The following SLX4IP variants were observed in gnomAD, a reference collection of about 807,000 sequenced individuals.
SLX4IP encodes the protein protein SLX4IP.
Under a neutral mutation model 32.9 loss-of-function variants are expected in SLX4IP, and 34 were observed. The observed-to-expected ratio is 1.03, with a 90% CI of 0.79 to 1.38. The LOEUF (loss-of-function observed/expected upper bound fraction) is 1.38. Among genes scored for constraint, SLX4IP ranks in the 40% most tolerant of loss-of-function variants. The probability of loss-of-function intolerance (pLI) is 0.00; values close to 1 mark genes in which losing one functional copy is unlikely to be tolerated. For missense variants in SLX4IP, 444 were observed against 479.0 expected, an observed-to-expected ratio of 0.93 and a Z score of 0.68; for synonymous variants, 172 against 171.7, an observed-to-expected ratio of 1.00 and a Z score of -0.01.
intron 2 of SLX4IP, among the ~76,000 whole-genome samples, chr20:10,545,397 A>G (rs1568733238): frequency 6.6e-6 from 1 of 152,196 alleles, no homozygotes; most frequent in Non-Finnish European, 1.5e-5. Flanking sequence ...ACTTAGCCCT[A>G]TCTTTGGCCT....
intron 4 of SLX4IP, among the ~76,000 whole-genome samples, chr20:10,586,175 T>G (rs890494735): frequency 2.6e-5 from 4 of 152,214 alleles, no homozygotes; most frequent in Non-Finnish European, 5.9e-5. Context: ...GATCCTTGCC[T>G]TCTCCCACTT....
In SLX4IP at chr20:10,626,335, T is replaced by C. The variant is rs1311649635; in HGVS notation, c.*2956T>C. 6.6e-6 allele frequency: 1 copy of C among 151,496 alleles called. No homozygotes were observed. The highest frequency in any genetic ancestry group is 1.5e-5 in the Non-Finnish European group (1 of 67,926). 9.4% of individuals were successfully genotyped at this position (151,496 alleles called of 1,614,324 possible). The stretch of plus-strand genomic sequence containing the variant: ...GGTGAGAGCCACCGCACCCGGCCTG[T>C]TTTGACATTCTTAATGATCTTAATA... On this transcript the variant is annotated 3_prime_UTR_variant, in exon 8 of 8. Coordinates refer to ENST00000334534, the MANE Select transcript of SLX4IP (RefSeq NM_001009608.3).
chr20:10,458,848 A>G (rs2065311215), intron 2 of SLX4IP, among the ~76,000 whole-genome samples: 1 of 152,158 alleles, frequency 6.6e-6, no homozygotes, highest in Non-Finnish European at 1.5e-5. Flanking sequence ...TTTATAATAG[A>G]ATGATTTATA....
intron 2 of SLX4IP, among the ~76,000 whole-genome samples, chr20:10,536,013 G>A (rs1044224819): frequency 2.6e-5 from 4 of 151,992 alleles, no homozygotes; most frequent in Non-Finnish European, 5.9e-5. Context: ...GCAGAAATGA[G>A]CGCCGGAGAC....
intron 2 of SLX4IP, among the ~76,000 whole-genome samples, chr20:10,526,188 A>G (rs974865503): frequency 6.6e-6 from 1 of 152,156 alleles, no homozygotes; most frequent in Admixed American, 6.5e-5. Context: ...CTTCCCCAAT[A>G]TTCTACTTGG....
At chr20:10,476,075 C>A (rs1438506549) in intron 2 of SLX4IP, among the ~76,000 whole-genome samples, 1 of 152,164 alleles carries the variant, frequency 6.6e-6, no homozygotes, top group East Asian at 1.9e-4. Context: ...GCTTTACTTA[C>A]AACTTGGCAA....
intron 2 of SLX4IP, among the ~76,000 whole-genome samples, chr20:10,532,346 T>C (rs955270436): frequency 1.3e-5 from 2 of 152,018 alleles, no homozygotes; most frequent in Non-Finnish European, 2.9e-5. Context: ...CCCATAAATA[T>C]ACACAATTAT....
chr20:10,437,702 G>T (rs1242259287), intron 1 of SLX4IP, among the ~76,000 whole-genome samples: 2 of 152,172 alleles, frequency 1.3e-5, no homozygotes, highest in Non-Finnish European at 2.9e-5. Context: ...TTTTTATTTA[G>T]TTTCATGTGG....
chr20:10,484,146 TTCTC>T (rs1341267425), intron 2 of SLX4IP, among the ~76,000 whole-genome samples: 1 of 152,196 alleles, frequency 6.6e-6, no homozygotes, highest in Non-Finnish European at 1.5e-5. Flanking sequence ...TTATGTGCTT[TTCTC>T]TCGTTAATTT....
chr20:10,553,414 T>C (rs191443768), intron 2 of SLX4IP, among the ~76,000 whole-genome samples: 2 of 152,362 alleles, frequency 1.3e-5, no homozygotes, highest in East Asian at 3.9e-4. Context: ...TAATCCTATG[T>C]GTTGTGTTTC....
At position 10,544,626 on chromosome 20, in the gene SLX4IP, A is replaced by G. The variant is rs570924804; in HGVS notation, c.28-11605A>G. 3.3e-5 allele frequency among the ~76,000 whole-genome samples: 5 copies of G among 152,252 alleles called. No homozygotes were observed. In the South Asian group the frequency reaches 6.2e-4, roughly 19 times the overall value. On this transcript the variant is annotated intron_variant, in intron 2 of 7. Coordinates refer to ENST00000334534, the MANE Select transcript of SLX4IP (RefSeq NM_001009608.3). ...AGACTCGAACTCCTGGACTCAAGCAATCTGTCCGCCTTGGCCTTCCAAGGT... is the reference window on the plus strand; with the variant it reads ...AGACTCGAACTCCTGGACTCAAGCAGTCTGTCCGCCTTGGCCTTCCAAGGT...
chr20:10,600,527 C>A (rs2066829141), intron 5 of SLX4IP, among the ~76,000 whole-genome samples: 1 of 152,186 alleles, frequency 6.6e-6, no homozygotes, highest in African/African-American at 2.4e-5. Flanking sequence ...AGAGCTGTTA[C>A]TGGAACAACA....
At chr20:10,443,846 G>A (rs1200023557) in intron 1 of SLX4IP, among the ~76,000 whole-genome samples, 1 of 152,110 alleles carries the variant, frequency 6.6e-6, no homozygotes, top group Non-Finnish European at 1.5e-5. Flanking sequence ...AAAGTGTATA[G>A]TACCTCTCTC....
chr20:10,584,086 G>T (rs917452410), intron 4 of SLX4IP, among the ~76,000 whole-genome samples: 3 of 152,066 alleles, frequency 2.0e-5, no homozygotes, highest in African/African-American at 7.2e-5. Context: ...TTAAGGACTT[G>T]TATAATAGAA....
intron 2 of SLX4IP, among the ~76,000 whole-genome samples, chr20:10,508,431 G>A (rs1158638684): frequency 6.6e-6 from 1 of 152,182 alleles, no homozygotes; most frequent in Non-Finnish European, 1.5e-5. Context: ...GATAACTGAG[G>A]CTTATTCCTT....
chr20:10,442,972 G>A (rs1292441145), intron 1 of SLX4IP, among the ~76,000 whole-genome samples: 1 of 152,168 alleles, frequency 6.6e-6, no homozygotes, highest in Non-Finnish European at 1.5e-5. Context: ...CATCATCTTT[G>A]TGGTATAAAC....
rs566992999 is a variant in SLX4IP at position 10,577,689 on chromosome 20, C to A, written c.238+16869C>A. On this transcript the variant is annotated intron_variant, in intron 4 of 7. Coordinates refer to ENST00000334534, the MANE Select transcript of SLX4IP (RefSeq NM_001009608.3). ...TGATCTATGATCATACCACTGTACT[C>A]CAGCTGAGGCAACAGAGAAAGACCC... 3.2e-4 allele frequency among the ~76,000 whole-genome samples: 49 copies of A among 152,302 alleles called. No homozygotes were observed. The South Asian group carries it at 6.6e-3, about 21-fold the overall frequency.
At position 10,445,429 on chromosome 20, in the gene SLX4IP, C is replaced by CCTCA. The variant is rs1419583642; in HGVS notation, c.-30+9977_-30+9980dup. Reference sequence around the variant, plus strand: ...CTCCTAGGTTCAAGCAATTCTCCTGCCTCAGCCTCCCTAGTAGCTGGGATT... The same window carrying CCTCA: ...CTCCTAGGTTCAAGCAATTCTCCTGCCTCACTCAGCCTCCCTAGTAGCTGGGATT... On this transcript the variant is annotated intron_variant, in intron 1 of 7. Transcript: ENST00000334534. 2.7e-5 allele frequency among the ~76,000 whole-genome samples: 4 copies of CCTCA among 150,464 alleles called. No individual in the cohort carries two copies. In the East Asian group the frequency reaches 7.8e-4, roughly 29 times the overall value.
At chr20:10,477,390 C>A (rs924854106) in intron 2 of SLX4IP, among the ~76,000 whole-genome samples, 6 of 152,136 alleles carry the variant, frequency 3.9e-5, no homozygotes, top group African/African-American at 1.4e-4. Context: ...ATGATCTGCT[C>A]ACGTTGGCCT....
Sources: gnomAD v4.1 joint callset for allele counts (sites outside exome capture counted in the v4.1 genomes callset) on GRCh38, gnomAD v4.1.1 for gene constraint, MANE v1.5 for transcripts, NCBI Gene and HGNC (gene_info 2026-07-23, HGNC 2026-07-21) for gene names.